SLC35F4: variants seen among roughly 807,000 people sequenced by gnomAD.
SLC35F4 encodes the protein solute carrier family 35 member F4.
Under a neutral mutation model 44.2 loss-of-function variants are expected in SLC35F4, and 24 were observed. The ratio of observed to expected loss-of-function variants is 0.54; its 90% CI spans 0.39 to 0.76. The LOEUF is 0.76. Among genes scored for constraint, SLC35F4 ranks in the 30% least tolerant of loss-of-function variants. The pLI, the probability that SLC35F4 is intolerant of heterozygous loss-of-function variation, is 0.00. For synonymous variants in SLC35F4, 238 were observed against 223.6 expected (o/e 1.06, Z -0.57); for missense variants, 562 against 586.1 (o/e 0.96, Z 0.42).
chr14:57,738,856 T>G (rs1379614367), intron 1 of SLC35F4, among the ~76,000 whole-genome samples: 7 of 146,732 alleles, frequency 4.8e-5, no homozygotes, highest in African/African-American at 1.7e-4. Context: ...TATATGAAAT[T>G]TAAACATTAT....
chr14:57,750,513 T>G (rs1019627869), intron 1 of SLC35F4, among the ~76,000 whole-genome samples: 10 of 152,218 alleles, frequency 6.6e-5, no homozygotes, highest in African/African-American at 2.4e-4. Context: ...TATAAGAGTT[T>G]CCTTTTATCC....
chr14:57,872,685 CAG>C (rs1400256286), intron 1 of SLC35F4, among the ~76,000 whole-genome samples: 2 of 152,158 alleles, frequency 1.3e-5, no homozygotes, highest in African/African-American at 4.8e-5. Flanking sequence ...CAATGGGAAA[CAG>C]GAGCTAGGGT....
At chr14:57,901,834 C>T (rs188528184) in intron 1 of SLC35F4, among the ~76,000 whole-genome samples, 211 of 152,204 alleles carry the variant, frequency 1.4e-3, no homozygotes, top group African/African-American at 4.8e-3. Context: ...TACAGATGAG[C>T]AAACTGTCTC....
intron 1 of SLC35F4, among the ~76,000 whole-genome samples, chr14:57,957,091 C>T (rs1566514598): frequency 2.0e-5 from 3 of 152,188 alleles, no homozygotes. Flanking sequence ...ACATATATAC[C>T]ATGGAATACT....
chr14:57,762,553 T>C (rs1040497583), intron 1 of SLC35F4, among the ~76,000 whole-genome samples: 2 of 152,154 alleles, frequency 1.3e-5, no homozygotes, highest in African/African-American at 4.8e-5. Context: ...CCATCAAAAC[T>C]CATGTTGAAA....
At chr14:57,816,312 T>C (rs1041935112) in intron 1 of SLC35F4, among the ~76,000 whole-genome samples, 2 of 152,188 alleles carry the variant, frequency 1.3e-5, no homozygotes, top group Non-Finnish European at 2.9e-5. Flanking sequence ...TGATAGTTAC[T>C]GATCAAAAGC....
chr14:57,862,779 T>C (rs1354612662), intron 1 of SLC35F4, among the ~76,000 whole-genome samples: 2 of 152,248 alleles, frequency 1.3e-5, no homozygotes, highest in African/African-American at 4.8e-5. Context: ...TTTATCCTTT[T>C]TATCCTGTTG....
chr14:57,608,797 CGGCGGGGGG>C (rs2071321853), intron 1 of SLC35F4, among the ~76,000 whole-genome samples: 1 of 7,510 alleles, frequency 1.3e-4, no homozygotes, highest in South Asian at 4.9e-3. Context: ...CGGGGGGGGG[CGGCGGGGGG>C]AGAGAAACAG....
chr14:57,950,675 C>CTT (rs59027196), intron 1 of SLC35F4, among the ~76,000 whole-genome samples: 8 of 127,212 alleles, frequency 6.3e-5, no homozygotes, highest in Non-Finnish European at 1.3e-4. Context: ...TTCTTTCTTT[C>CTT]TTTTTTTTTT....
intron 1 of SLC35F4, among the ~76,000 whole-genome samples, chr14:57,700,133 A>G (rs2075496266): frequency 6.6e-6 from 1 of 152,196 alleles, no homozygotes; most frequent in Admixed American, 6.6e-5. Context: ...AACATCGTAG[A>G]GTGTACTTAT....
intron 1 of SLC35F4, among the ~76,000 whole-genome samples, chr14:57,820,111 T>TA (rs1162335039): frequency 6.6e-6 from 1 of 152,140 alleles, no homozygotes; most frequent in Non-Finnish European, 1.5e-5. Context: ...ACACCATAAA[T>TA]AAAAATCAGT....
In SLC35F4 at chr14:57,566,522, G is replaced by T; in HGVS notation, c.1169C>A (p.Pro390Gln). Residue 390 changes from proline (P) to glutamine (Q), a missense_variant, in exon 7 of 8, where the codon CCA becomes CAA. By Grantham distance (76) the Pro-to-Gln change is moderately conservative (BLOSUM62 -1). Transcript: ENST00000556826. ...LVNVGVVLTY[P>Q]ILISIGTVLS... Reference sequence around the variant, plus strand: ...CACTGTCCCAATGGAGATTAGGATTGGGTATGTCAGCACCACCCCAACATT... The same window carrying T: ...CACTGTCCCAATGGAGATTAGGATTTGGTATGTCAGCACCACCCCAACATT... The T allele has an allele frequency of 6.2e-7, 1 of 1,602,330 alleles. No homozygotes were observed. Among genetic ancestry groups the T allele is most frequent in the South Asian group, 1.1e-5 (1 of 87,922 alleles).
chr14:57,898,379 C>T (rs60485731), intron 1 of SLC35F4, among the ~76,000 whole-genome samples: 5,738 of 152,226 alleles, frequency 0.038, 304 homozygotes, highest in African/African-American at 0.11. Flanking sequence ...GGACATACAA[C>T]GATTTTCTGT....
intron 1 of SLC35F4, among the ~76,000 whole-genome samples, chr14:57,795,076 T>C (rs7160008): frequency 0.2 from 29,995 of 152,008 alleles, 4,305 homozygotes; most frequent in African/African-American, 0.4. Context: ...CCTCAAAAGG[T>C]TGTAACTAGG....
chr14:57,651,504 G>A (rs78914059), intron 1 of SLC35F4, among the ~76,000 whole-genome samples: 65 of 152,180 alleles, frequency 4.3e-4, no homozygotes, highest in African/African-American at 1.3e-3. Flanking sequence ...TACAGCAGCC[G>A]TCACAGATAC....
intron 1 of SLC35F4, among the ~76,000 whole-genome samples, chr14:57,708,965 T>C (rs1454452993): frequency 6.6e-6 from 1 of 152,164 alleles, no homozygotes; most frequent in African/African-American, 2.4e-5. Context: ...CAGAGACTTT[T>C]AGTACTTTCA....
chr14:57,955,571 T>G (rs1890221295), intron 1 of SLC35F4, among the ~76,000 whole-genome samples: 1 of 152,212 alleles, frequency 6.6e-6, no homozygotes, highest in Admixed American at 6.5e-5. Flanking sequence ...CTCCTTAAGC[T>G]GATAAGCAAC....
At chr14:57,906,209 A>G (rs182311770) in intron 1 of SLC35F4, among the ~76,000 whole-genome samples, 1 of 152,338 alleles carries the variant, frequency 6.6e-6, no homozygotes, top group Non-Finnish European at 1.5e-5. Context: ...TAAAAACAGA[A>G]GGTAGAAGTC....
At chr14:57,635,510 TAGTC>T (rs1164760939) in intron 1 of SLC35F4, among the ~76,000 whole-genome samples, 1 of 151,954 alleles carries the variant, frequency 6.6e-6, no homozygotes, top group Non-Finnish European at 1.5e-5. Flanking sequence ...AATATGGGAA[TAGTC>T]AGCTGAGAGA....
Sources: allele counts gnomAD v4.1 joint callset (sites outside exome capture counted in the v4.1 genomes callset), GRCh38; gene constraint gnomAD v4.1.1; transcripts MANE v1.5; gene names NCBI Gene and HGNC (gene_info 2026-07-23, HGNC 2026-07-21).